The following PIPOX variants were observed in gnomAD, a reference collection of about 807,000 sequenced individuals.
The protein encoded by PIPOX is pipecolic acid and sarcosine oxidase.
Under a neutral mutation model 47.9 loss-of-function variants are expected in PIPOX, and 45 were observed. The observed-to-expected ratio is 0.94, with a 90% confidence interval of 0.74 to 1.20. The LOEUF is 1.20. PIPOX is among the 50% of genes most tolerant of loss of function. The pLI is 0.00. For synonymous variants in PIPOX, 165 were observed against 191.3 expected (o/e 0.86, Z 1.13); for missense variants, 458 against 498.4 (o/e 0.92, Z 0.77).
At chr17:29,051,737 T>G (rs1312446498) in intron 2 of PIPOX, among the ~76,000 whole-genome samples, 2 of 151,730 alleles carry the variant, frequency 1.3e-5, no homozygotes, top group African/African-American at 4.8e-5. Flanking sequence ...ACTGAGTGTA[T>G]TGGTGGAGCC....
chr17:29,043,716 C>T (rs2065775069), intron 1 of PIPOX, among the ~76,000 whole-genome samples: 1 of 152,174 alleles, frequency 6.6e-6, no homozygotes, highest in African/African-American at 2.4e-5. Context: ...ATAATTTTGC[C>T]TAGAGGCAAA....
intron 5 of PIPOX, 88 bp from the exon 6 acceptor site, chr17:29,054,975 G>T: frequency 6.6e-7 from 1 of 1,525,986 alleles, no homozygotes; most frequent in Non-Finnish European, 9.0e-7. Flanking sequence ...GATGGATGGG[G>T]CTGTCCTGTG....
chr17:29,046,207 G>C (rs2065785024), intron 2 of PIPOX, among the ~76,000 whole-genome samples: 1 of 152,204 alleles, frequency 6.6e-6, no homozygotes, highest in Non-Finnish European at 1.5e-5. Context: ...AAATAAAGGA[G>C]CATGTCTTGC....
At chr17:29,047,870 C>T (rs1201657867) in intron 2 of PIPOX, among the ~76,000 whole-genome samples, 2 of 152,130 alleles carry the variant, frequency 1.3e-5, no homozygotes, top group Non-Finnish European at 2.9e-5. Context: ...TAAATCATCC[C>T]AGGTCAAAAG....
rs553553028 is a variant in PIPOX at position 29,053,557 on chromosome 17, C to A, written c.622C>A (p.Gln208Lys). Residue 208 changes from glutamine (Q) to lysine (K), a missense_variant, in exon 4 of 8, where the codon CAG (glutamine) becomes AAG (lysine). Gln to Lys is a moderately conservative substitution (Grantham distance 53, BLOSUM62 1). Coordinates refer to ENST00000323372, the MANE Select transcript of PIPOX (RefSeq NM_016518.3). ...LVITAGPWTN[Q>K]LLRPLGIEMP... is the part of the protein sequence containing the mutation. ...CATCACAGCAGGTCCTTGGACCAAC[C>A]AGCTCCTCCGTCCCCTGGGCATTGA... is the stretch of plus-strand genomic sequence containing the variant. 2.3e-5 allele frequency: 37 copies of A among 1,609,472 alleles called. No homozygotes were observed. Among genetic ancestry groups the A allele is most frequent in the African/African-American group, 5.3e-5 (4 of 74,938 alleles).
chr17:29,055,362 G>A, intron 6 of PIPOX, 141 bp downstream of exon 6: 2 of 957,016 alleles, frequency 2.1e-6, no homozygotes, highest in Non-Finnish European at 3.2e-6. Flanking sequence ...CATTTCTGTG[G>A]GTAGGTTCAC....
At chr17:29,053,346 G>T (rs546142087) in intron 3 of PIPOX, 67 bp from the exon 4 acceptor site, 2 of 1,510,514 alleles carry the variant, frequency 1.3e-6, no homozygotes, top group Admixed American at 3.7e-5. Context: ...CAGGCAAAAG[G>T]CTTTCTGTCC....
intron 3 of PIPOX, 72 bp from the exon 4 acceptor site, chr17:29,053,341 A>G (rs2152698843): frequency 6.7e-7 from 1 of 1,495,086 alleles, no homozygotes; most frequent in Non-Finnish European, 9.1e-7. Flanking sequence ...TGCCCCAGGC[A>G]AAAGGCTTTC....
intron 2 of PIPOX, chr17:29,046,641 A>T: frequency 1.0e-6 from 1 of 985,516 alleles, no homozygotes; most frequent in Non-Finnish European, 1.2e-6. Flanking sequence ...AGGAGGAGAC[A>T]GATGGGTGCA....
intron 2 of PIPOX, among the ~76,000 whole-genome samples, chr17:29,047,186 C>A (rs1309995061): frequency 6.6e-6 from 1 of 151,984 alleles, no homozygotes; most frequent in African/African-American, 2.4e-5. Flanking sequence ...ATTAGGGAGG[C>A]TGATGAGGCA....
At chr17:29,053,322 A>G (rs1201610045) in intron 3 of PIPOX, 91 bp from the exon 4 acceptor site, 2 of 1,361,068 alleles carry the variant, frequency 1.5e-6, no homozygotes, top group African/African-American at 2.9e-5. Context: ...TAGATTCTGC[A>G]CTCTTTTCTG....
intron 2 of PIPOX, among the ~76,000 whole-genome samples, chr17:29,045,469 G>A (rs2065782197): frequency 7.4e-6 from 1 of 135,916 alleles, no homozygotes; most frequent in Non-Finnish European, 1.5e-5. Flanking sequence ...GGAGTGTAGT[G>A]GCGCCATCTT....
chr17:29,050,759 C>T (rs1598237960), intron 2 of PIPOX, among the ~76,000 whole-genome samples: 1 of 151,780 alleles, frequency 6.6e-6, no homozygotes, highest in Non-Finnish European at 1.5e-5. Context: ...AGCTCGCTTG[C>T]GGCTGCAGTG....
rs2065814601 is a variant in PIPOX at position 29,053,428 on chromosome 17, C to T, written c.493C>T (p.Leu165=). The T allele has an allele frequency of 6.2e-7, 1 of 1,612,080 alleles. No individual in the cohort carries two copies. The highest frequency in any genetic ancestry group is 2.2e-5 in the East Asian group (1 of 44,852). The change falls in exon 4 of 8, where the codon CTA becomes TTA. Residue 165 remains leucine, a synonymous_variant. Transcript: ENST00000323372. ...GCCCTTTCAGGATGCAATTCGACAG[C>T]TAGGAGGCATAGTGCGTGACGGAGA... ...LRALQDAIRQ[L]GGIVRDGEKV...
intron 2 of PIPOX, among the ~76,000 whole-genome samples, chr17:29,047,604 T>C (rs2065790431): frequency 6.6e-6 from 1 of 152,244 alleles, no homozygotes; most frequent in East Asian, 1.9e-4. Context: ...AGCCTGGATG[T>C]ATTCTAATAC....
At chr17:29,048,735 A>G (rs1193871712) in intron 2 of PIPOX, among the ~76,000 whole-genome samples, 1 of 152,234 alleles carries the variant, frequency 6.6e-6, no homozygotes, top group African/African-American at 2.4e-5. Context: ...TGTGTCTGCG[A>G]AGTGTCTGGC....
At chr17:29,051,478 G>A (rs566276639) in intron 2 of PIPOX, among the ~76,000 whole-genome samples, 1 of 152,320 alleles carries the variant, frequency 6.6e-6, no homozygotes, top group South Asian at 2.1e-4. Flanking sequence ...GCTATTACGA[G>A]CTTTACACCC....
chr17:29,052,853 G>T, intron 2 of PIPOX, 67 bp from the exon 3 acceptor site: 2 of 1,376,648 alleles, frequency 1.5e-6, no homozygotes, highest in South Asian at 2.4e-5. Context: ...GATTACAGGC[G>T]TGAGTCGTCA....
At chr17:29,047,323 G>GA (rs1397106494) in intron 2 of PIPOX, among the ~76,000 whole-genome samples, 1 of 152,054 alleles carries the variant, frequency 6.6e-6, no homozygotes, top group East Asian at 1.9e-4. Flanking sequence ...GAAAAGAAAA[G>GA]AAAAAACTAA....
Sources: allele counts gnomAD v4.1 joint callset (sites outside exome capture counted in the v4.1 genomes callset), GRCh38; gene constraint gnomAD v4.1.1; transcripts MANE v1.5; gene names NCBI Gene and HGNC (gene_info 2026-07-23, HGNC 2026-07-21).